Variants in BEND7 observed in about 807,000 individuals in gnomAD.
The protein encoded by BEND7 is BEN domain-containing protein 7.
In BEND7, 28 loss-of-function variants were observed where a neutral mutation model predicts 50.9. The observed-to-expected ratio is 0.55, with a 90% CI of 0.41 to 0.75. The LOEUF is 0.75. Among genes scored for constraint, BEND7 ranks in the 30% least tolerant of loss-of-function variants. The pLI is 0.00. For synonymous variants in BEND7, 170 were observed against 183.9 expected, an observed-to-expected ratio of 0.92 and a Z score of 0.61; for missense variants, 477 against 491.3, an observed-to-expected ratio of 0.97 and a Z score of 0.28.
At chr10:13,470,477 G>C (rs1006124359) in intron 6 of BEND7, among the ~76,000 whole-genome samples, 1 of 152,164 alleles carries the variant, frequency 6.6e-6, no homozygotes, top group African/African-American at 2.4e-5. Flanking sequence ...CAGTAACGGG[G>C]AGTTGGAGTG....
At chr10:13,529,170 G>A (rs1383891847), upstream of BEND7, among the ~76,000 whole-genome samples, 6 of 145,072 alleles carry the variant, frequency 4.1e-5, no homozygotes, top group Non-Finnish European at 1.5e-5. Context: ...GGCGCCCCGA[G>A]GAGGCGCGGA....
intron 2 of BEND7, among the ~76,000 whole-genome samples, chr10:13,508,854 T>C (rs1203561776): frequency 6.6e-6 from 1 of 152,140 alleles, no homozygotes; most frequent in Non-Finnish European, 1.5e-5. Flanking sequence ...TCTAAGAGTA[T>C]AATGGCACTC....
intron 5 of BEND7, among the ~76,000 whole-genome samples, chr10:13,489,927 A>G (rs1403794010): frequency 6.6e-6 from 1 of 152,220 alleles, no homozygotes. Context: ...TTTACTGAGT[A>G]CCTTTTATGT....
chr10:13,515,934 G>A (rs769075972), intron 2 of BEND7, among the ~76,000 whole-genome samples: 3 of 152,144 alleles, frequency 2.0e-5, no homozygotes, highest in African/African-American at 4.8e-5. Context: ...GTACGTTTAC[G>A]CTGCCAACAT....
intron 8 of BEND7, chr10:13,445,613 C>CA (rs777562731): frequency 3.9e-5 from 6 of 152,214 alleles, no homozygotes; most frequent in Non-Finnish European, 8.8e-5. Context: ...GAGGATCTCT[C>CA]AAGTTCCTTC....
chr10:13,442,743 T>C (rs1835521411), intron 8 of BEND7: 1 of 152,240 alleles, frequency 6.6e-6, no homozygotes, highest in Admixed American at 6.5e-5. Flanking sequence ...TGTCATTGTG[T>C]TGACGCAACT....
In BEND7 at chr10:13,441,694, TA is replaced by T. The variant is rs1835349004; in HGVS notation, c.*48del. On this transcript the variant is annotated 3_prime_UTR_variant, in exon 9 of 9. Coordinates refer to ENST00000466271, the MANE Select transcript of BEND7 (RefSeq NM_001369863.1). ...CTTGTGGGAGGCAGAGGACGGATTT[TA>T]AAACCCATGGTGCAAAAAACACAAG... 6.2e-7 allele frequency: 1 copy of T among 1,612,644 alleles called. No homozygotes were observed. Among genetic ancestry groups the T allele is most frequent in the Non-Finnish European group, 8.5e-7 (1 of 1,179,614 alleles).
At position 13,472,995 on chromosome 10, in the gene BEND7, C is replaced by T. The variant is rs549318964; in HGVS notation, c.1063+7904G>A. On this transcript the variant is annotated intron_variant, in intron 6 of 8. Coordinates refer to ENST00000466271, the MANE Select transcript of BEND7 (RefSeq NM_001369863.1). ...TGCTCTTAGACTCGGGGTTGATACT[C>T]GTCATCGCTGTTACACTCAGGGCCG... Among the ~76,000 whole-genome samples, 4 of 151,106 alleles carry T rather than the reference C, an allele frequency of 2.6e-5. No individual in the cohort carries two copies. In the East Asian group the frequency reaches 5.9e-4, roughly 22 times the overall value.
chr10:13,491,439 T>C lies in BEND7; in HGVS notation c.837+1172A>G, dbSNP rs1352411382. Among the ~76,000 whole-genome samples the C allele has an allele frequency of 3.3e-5, 5 of 151,908 alleles. No individual in the cohort carries two copies. The East Asian group carries it at 9.7e-4, about 30-fold the overall frequency. On this transcript the variant is annotated intron_variant, in intron 5 of 8. Coordinates refer to ENST00000466271, the MANE Select transcript of BEND7 (RefSeq NM_001369863.1). ...GTTTGACTCAGGGCCCTAGTTGCAA[T>C]AGCAATATGATATCATTGCATGAGC...
At chr10:13,450,945 C>T (rs145546195) in intron 7 of BEND7, among the ~76,000 whole-genome samples, 674 of 152,044 alleles carry the variant, frequency 4.4e-3, no homozygotes, top group African/African-American at 0.015. Context: ...GATGTGGCGG[C>T]ACATCCCTAC....
At chr10:13,528,398 C>A (rs1387512518) in intron 1 of BEND7, 75 bp downstream of exon 1, 2 of 725,478 alleles carry the variant, frequency 2.8e-6, no homozygotes, top group South Asian at 6.2e-5. Flanking sequence ...GGGCGCGCCC[C>A]CCAGCGTGGA....
At chr10:13,447,389 T>C (rs1447985015) in intron 7 of BEND7, 73 bp from the exon 8 acceptor site, 25 of 1,534,824 alleles carry the variant, frequency 1.6e-5, no homozygotes, top group Non-Finnish European at 2.1e-5. Flanking sequence ...AAAATAGTGA[T>C]GTAATTTTAA....
chr10:13,521,297 C>T (rs1050888684), intron 2 of BEND7, among the ~76,000 whole-genome samples: 1 of 152,170 alleles, frequency 6.6e-6, no homozygotes, highest in Non-Finnish European at 1.5e-5. Context: ...GGCTCTGGCA[C>T]TGAGTAACTC....
At chr10:13,500,202 T>G in intron 2 of BEND7, 122 bp from the exon 3 acceptor site, 1 of 899,220 alleles carries the variant, frequency 1.1e-6, no homozygotes, top group Non-Finnish European at 1.6e-6. Context: ...ACTGACTCTA[T>G]GAACTTAATC....
At chr10:13,472,065 T>A (rs182563614) in intron 6 of BEND7, among the ~76,000 whole-genome samples, 1 of 152,318 alleles carries the variant, frequency 6.6e-6, no homozygotes, top group African/African-American at 2.4e-5. Flanking sequence ...TCGGGGTCGA[T>A]ACCCGTCATC....
At chr10:13,488,645 G>A (rs568176433) in intron 5 of BEND7, among the ~76,000 whole-genome samples, 4 of 152,220 alleles carry the variant, frequency 2.6e-5, no homozygotes, top group African/African-American at 7.2e-5. Context: ...GCGCCACTGC[G>A]CCTAGCTATT....
chr10:13,509,467 A>T (rs1042194213), intron 2 of BEND7, among the ~76,000 whole-genome samples: 1 of 152,190 alleles, frequency 6.6e-6, no homozygotes, highest in South Asian at 2.1e-4. Flanking sequence ...CAGGCTCTTC[A>T]GCATCGCCAG....
intron 6 of BEND7, among the ~76,000 whole-genome samples, chr10:13,454,185 G>A (rs1838409155): frequency 6.6e-6 from 1 of 152,174 alleles, no homozygotes; most frequent in Non-Finnish European, 1.5e-5. Flanking sequence ...TGTGTGAGCT[G>A]AAAGGACATC....
intron 7 of BEND7, among the ~76,000 whole-genome samples, chr10:13,451,090 A>G (rs1837566559): frequency 6.6e-6 from 1 of 152,138 alleles, no homozygotes; most frequent in South Asian, 2.1e-4. Flanking sequence ...TGGGGAAGGC[A>G]GCAGAACATT....
Sources: allele counts gnomAD v4.1 joint callset (sites outside exome capture counted in the v4.1 genomes callset), GRCh38; gene constraint gnomAD v4.1.1; transcripts MANE v1.5; gene names NCBI Gene and HGNC (gene_info 2026-07-23, HGNC 2026-07-21).